SCFD2: variants seen among roughly 807,000 people sequenced by gnomAD.
SCFD2 encodes the protein sec1 family domain containing 2.
SCFD2 carries 54 observed loss-of-function variants against 58.9 expected under a neutral mutation model. The ratio of observed to expected loss-of-function variants is 0.92; its 90% CI spans 0.74 to 1.15. SCFD2 has a LOEUF of 1.15. Ranked by LOEUF, SCFD2 falls within the 50% of genes most tolerant of loss-of-function variation. The pLI is 0.00. For missense variants in SCFD2, 805 were observed against 836.6 expected, an observed-to-expected ratio of 0.96 and a Z score of 0.47; for synonymous variants, 321 against 335.9, an observed-to-expected ratio of 0.96 and a Z score of 0.49.
rs146416126 is a variant in SCFD2, at chr4:53,191,954, G to A, written c.1312-46372C>T. 4.3e-4 allele frequency among the ~76,000 whole-genome samples: 65 copies of A among 152,248 alleles called. 1 individual carries two copies. The highest frequency in any genetic ancestry group is 4.4e-5 in the Non-Finnish European group (3 of 68,016). On this transcript the variant is annotated intron_variant, in intron 4 of 8. Transcript: ENST00000401642. Reference sequence around the variant, plus strand: ...TGGAAAGATAAGTTTAGCCCTGGCTGTCCCCACATGCCTTAACAGGGGAAC... The same window carrying A: ...TGGAAAGATAAGTTTAGCCCTGGCTATCCCCACATGCCTTAACAGGGGAAC...
At chr4:53,301,204 A>C (rs1261716385) in intron 3 of SCFD2, among the ~76,000 whole-genome samples, 2 of 152,148 alleles carry the variant, frequency 1.3e-5, no homozygotes, top group Non-Finnish European at 2.9e-5. Context: ...GACCGCTAGC[A>C]AGACTAATAA....
intron 4 of SCFD2, among the ~76,000 whole-genome samples, chr4:53,183,445 C>T (rs1170582629): frequency 6.6e-6 from 1 of 151,826 alleles, no homozygotes; most frequent in Non-Finnish European, 1.5e-5. Flanking sequence ...TAGGTGGGAA[C>T]TGAACAATGA....
chr4:53,303,827 TC>T (rs1177528252), intron 3 of SCFD2, among the ~76,000 whole-genome samples: 7 of 142,730 alleles, frequency 4.9e-5, no homozygotes, highest in Non-Finnish European at 9.5e-5. Context: ...CTGGAAACCA[TC>T]ATTCTCAGCA....
chr4:53,244,826 A>T (rs1250616720), intron 4 of SCFD2, among the ~76,000 whole-genome samples: 3 of 144,174 alleles, frequency 2.1e-5, no homozygotes, highest in Admixed American at 6.8e-5. Flanking sequence ...TTCTGAAAAA[A>T]AAAAATAATA....
At chr4:53,277,656 C>G (rs1049630617) in intron 3 of SCFD2, among the ~76,000 whole-genome samples, 5 of 152,146 alleles carry the variant, frequency 3.3e-5, no homozygotes, top group Non-Finnish European at 5.9e-5. Flanking sequence ...TTTAGAGAGA[C>G]TCCAGGAAAC....
chr4:52,996,044 G>A (rs1043775777), intron 5 of SCFD2, among the ~76,000 whole-genome samples: 7 of 152,142 alleles, frequency 4.6e-5, no homozygotes, highest in Non-Finnish European at 8.8e-5. Flanking sequence ...CTGAAATCTT[G>A]GTACTGCCTT....
chr4:53,015,077 G>A (rs905678800), intron 5 of SCFD2, among the ~76,000 whole-genome samples: 4 of 152,304 alleles, frequency 2.6e-5, no homozygotes, highest in Non-Finnish European at 4.4e-5. Flanking sequence ...AGTGAGTCAG[G>A]AGGAGAAAAG....
At chr4:52,881,913 C>T (rs2109442906) in intron 8 of SCFD2, among the ~76,000 whole-genome samples, 1 of 152,204 alleles carries the variant, frequency 6.6e-6, no homozygotes. Flanking sequence ...TTGAGAAATG[C>T]AAAGTCCTGA....
chr4:53,303,233 A>AT (rs1486007055), intron 3 of SCFD2, among the ~76,000 whole-genome samples: 1 of 152,244 alleles, frequency 6.6e-6, no homozygotes, highest in African/African-American at 2.4e-5. Flanking sequence ...AGAATGTACA[A>AT]TGAACTCAAA....
intron 3 of SCFD2, among the ~76,000 whole-genome samples, chr4:53,292,139 G>A (rs1165768217): frequency 6.6e-6 from 1 of 151,900 alleles, no homozygotes; most frequent in South Asian, 2.1e-4. Flanking sequence ...ATAGGCATGG[G>A]CAAAGATTTC....
At chr4:52,974,570 A>G (rs1475064291) in intron 5 of SCFD2, among the ~76,000 whole-genome samples, 1 of 151,940 alleles carries the variant, frequency 6.6e-6, no homozygotes. Context: ...GGAAGAATCA[A>G]TATCATGAAA....
chr4:52,876,512 G>A (rs1222209144), intron 8 of SCFD2, among the ~76,000 whole-genome samples: 1 of 152,084 alleles, frequency 6.6e-6, no homozygotes, highest in Non-Finnish European at 1.5e-5. Context: ...CACTTTGGGA[G>A]GCCGATTTGG....
In SCFD2 at chr4:53,289,296, ACAGAGGCTG is replaced by A. The variant is rs1376638701; in HGVS notation, c.1136-15304_1136-15296del. 5.3e-5 allele frequency among the ~76,000 whole-genome samples: 8 copies of A among 152,148 alleles called. No individual in the cohort carries two copies. The East Asian group carries it at 1.5e-3, about 29-fold the overall frequency. ...CAGGAGAATAGCTTGAACCTGGGAGACAGAGGCTGCAGTGAGCCAAGATGGCACCATTGC... is the reference window on the plus strand; with the variant it reads ...CAGGAGAATAGCTTGAACCTGGGAGACAGTGAGCCAAGATGGCACCATTGC... On this transcript the variant is annotated intron_variant, in intron 3 of 8. Transcript: ENST00000401642.
chr4:53,199,349 G>C (rs1206361726), intron 4 of SCFD2, among the ~76,000 whole-genome samples: 1 of 152,074 alleles, frequency 6.6e-6, no homozygotes. Flanking sequence ...GATCGAATGA[G>C]AGGGGAGATG....
At chr4:52,896,561 T>C (rs1393818042) in intron 7 of SCFD2, among the ~76,000 whole-genome samples, 1 of 152,224 alleles carries the variant, frequency 6.6e-6, no homozygotes, top group Non-Finnish European at 1.5e-5. Context: ...TTGGTTACTG[T>C]AGCCTTGTAG....
intron 2 of SCFD2, among the ~76,000 whole-genome samples, chr4:53,347,132 T>C (rs987988667): frequency 7.9e-5 from 12 of 152,220 alleles, no homozygotes; most frequent in African/African-American, 2.2e-4. Context: ...TCTCCAGATA[T>C]ATTTAATGTG....
intron 5 of SCFD2, among the ~76,000 whole-genome samples, chr4:53,003,839 T>C (rs1210296013): frequency 6.6e-6 from 1 of 152,228 alleles, no homozygotes; most frequent in Non-Finnish European, 1.5e-5. Context: ...ACCTTCATGA[T>C]AGCACTGGTC....
intron 5 of SCFD2, among the ~76,000 whole-genome samples, chr4:53,100,961 A>T (rs963649996): frequency 3.3e-5 from 5 of 152,192 alleles, no homozygotes; most frequent in Admixed American, 2.6e-4. Flanking sequence ...ATGCAAACCC[A>T]CAGTTGAGAG....
intron 5 of SCFD2, among the ~76,000 whole-genome samples, chr4:52,928,616 C>T (rs1442273582): frequency 2.0e-5 from 3 of 152,176 alleles, no homozygotes; most frequent in African/African-American, 7.2e-5. Flanking sequence ...CCCGACTATG[C>T]TGATCCCATG....
Sources: allele counts gnomAD v4.1 joint callset (sites outside exome capture counted in the v4.1 genomes callset), GRCh38; gene constraint gnomAD v4.1.1; transcripts MANE v1.5; gene names NCBI Gene and HGNC (gene_info 2026-07-23, HGNC 2026-07-21).